PATL2: variants seen among roughly 807,000 people sequenced by gnomAD.
PATL2 encodes PAT1 homolog 2.
A neutral mutation model predicts 77.0 loss-of-function variants in PATL2; 73 were observed. The observed-to-expected ratio is 0.95, with a 90% confidence interval of 0.78 to 1.15. PATL2 has a LOEUF of 1.15. Ranked by LOEUF, PATL2 falls within the 50% of genes most tolerant of loss-of-function variation. The pLI is 0.00. For synonymous variants in PATL2, 265 were observed against 257.1 expected (o/e 1.03, Z -0.29); for missense variants, 618 against 655.4 (o/e 0.94, Z 0.62).
At chr15:44,684,220 G>A (rs1043137816) in intron 3 of PATL2, among the ~76,000 whole-genome samples, 1 of 151,980 alleles carries the variant, frequency 6.6e-6, no homozygotes, top group Non-Finnish European at 1.5e-5. Context: ...CTTCCAGCAA[G>A]GGAACAAAAG....
chr15:44,697,664 C>A (rs954497101), intron 3 of PATL2, among the ~76,000 whole-genome samples: 8 of 152,130 alleles, frequency 5.3e-5, no homozygotes, highest in African/African-American at 1.9e-4. Context: ...TTGCCCTGGT[C>A]TCCAAAGCCT....
intron 3 of PATL2, among the ~76,000 whole-genome samples, chr15:44,709,466 G>C (rs1368965258): frequency 6.6e-6 from 1 of 151,968 alleles, no homozygotes; most frequent in Non-Finnish European, 1.5e-5. Flanking sequence ...AGGATCACTT[G>C]AGACCAGGAG....
chr15:44,674,117 C>T (rs1322144788), intron 6 of PATL2, 33 bp downstream of exon 6: 1 of 1,512,364 alleles, frequency 6.6e-7, no homozygotes, highest in East Asian at 2.5e-5. Flanking sequence ...GGAATCCTCA[C>T]TACCCACAGT....
At chr15:44,688,366 C>T (rs1030124704) in intron 3 of PATL2, among the ~76,000 whole-genome samples, 14 of 151,698 alleles carry the variant, frequency 9.2e-5, no homozygotes, top group Non-Finnish European at 1.8e-4. Context: ...CATATGGAAC[C>T]AAAAAAGAGC....
At chr15:44,694,791 C>T (rs1183364101) in intron 3 of PATL2, among the ~76,000 whole-genome samples, 1 of 152,142 alleles carries the variant, frequency 6.6e-6, no homozygotes, top group African/African-American at 2.4e-5. Flanking sequence ...TGTTACGACC[C>T]ATTGGAATGG....
intron 3 of PATL2, among the ~76,000 whole-genome samples, chr15:44,695,397 T>A (rs2086483284): frequency 6.6e-6 from 1 of 152,180 alleles, no homozygotes. Context: ...CATCTTCCCT[T>A]TTCTTTGTCA....
chr15:44,706,646 G>A (rs1206072300), intron 3 of PATL2, among the ~76,000 whole-genome samples: 1 of 152,192 alleles, frequency 6.6e-6, no homozygotes, highest in African/African-American at 2.4e-5. Context: ...TGGAGTTGGG[G>A]GAGAAGTGAC....
intron 4 of PATL2, 179 bp downstream of exon 4, chr15:44,676,296 T>G: frequency 1.6e-6 from 1 of 629,366 alleles, no homozygotes; most frequent in Non-Finnish European, 2.9e-6. Flanking sequence ...ACTAGGTTGG[T>G]GAGAAAAATA....
chr15:44,698,036 G>C (rs1272452449), intron 3 of PATL2, among the ~76,000 whole-genome samples: 2 of 151,314 alleles, frequency 1.3e-5, no homozygotes, highest in Non-Finnish European at 2.9e-5. Context: ...ACCATGCCTG[G>C]CTTGGTCATT....
At chr15:44,666,366 T>C in intron 17 of PATL2, 26 bp downstream of exon 17, 2 of 1,551,302 alleles carry the variant, frequency 1.3e-6, no homozygotes, top group Non-Finnish European at 1.7e-6. Flanking sequence ...ACAAGGGGCT[T>C]TGACCTTGTT....
At chr15:44,679,437 A>G (rs2086078169) in intron 3 of PATL2, among the ~76,000 whole-genome samples, 2 of 152,016 alleles carry the variant, frequency 1.3e-5, no homozygotes, top group East Asian at 1.9e-4. Flanking sequence ...CATGTTGGCC[A>G]GTCTGGTCTT....
chr15:44,672,181 T>TTG, intron 8 of PATL2, 25 bp from the exon 9 acceptor site: 1 of 1,551,574 alleles, frequency 6.4e-7, no homozygotes, highest in South Asian at 1.2e-5. Context: ...GAACAACCCT[T>TTG]TAGACTTACC....
At chr15:44,705,716 T>G (rs1288807626) in intron 3 of PATL2, among the ~76,000 whole-genome samples, 1 of 152,122 alleles carries the variant, frequency 6.6e-6, no homozygotes, top group Admixed American at 6.5e-5. Flanking sequence ...TTGATTCTTT[T>G]TAGTTATTTT....
chr15:44,669,031 C>T lies in PATL2; in HGVS notation c.1173G>A (p.Leu391=). The T allele has an allele frequency of 3.9e-6, 6 of 1,551,102 alleles. No individual in the cohort carries two copies. Among genetic ancestry groups the T allele is most frequent in the Non-Finnish European group, 5.2e-6 (6 of 1,146,666 alleles). The change falls in exon 14 of 18, where the codon TTG becomes TTA. Residue 391 remains leucine, a synonymous_variant. Coordinates refer to ENST00000682850, the MANE Select transcript of PATL2 (RefSeq NM_001387263.1). The part of the protein sequence containing the change: ...LPQDQAVTIL[L]AITHHLPLLV... ...GGAGGGGCAGATGGTGGGTGATAGC[C>T]AAAAGAATGGTAACAGCCTGATCCT...
chr15:44,688,848 A>C (rs554246978), intron 3 of PATL2, among the ~76,000 whole-genome samples: 1 of 152,374 alleles, frequency 6.6e-6, no homozygotes, highest in Admixed American at 6.5e-5. Context: ...AACAAAAGCC[A>C]AAATTGACAA....
chr15:44,711,341 T>C (rs949136602), upstream of PATL2: 40 of 667,710 alleles, frequency 6.0e-5, no homozygotes, highest in African/African-American at 3.2e-4. Context: ...CCCAGTCTAG[T>C]GCATGCCTTC....
chr15:44,668,141 C>T (rs1405309138), intron 15 of PATL2, among the ~76,000 whole-genome samples: 1 of 152,116 alleles, frequency 6.6e-6, no homozygotes, highest in Non-Finnish European at 1.5e-5. Flanking sequence ...GCATGGGCCC[C>T]ACCCCAGACC....
intron 3 of PATL2, among the ~76,000 whole-genome samples, chr15:44,708,373 T>A (rs1255514710): frequency 6.6e-6 from 1 of 152,226 alleles, no homozygotes; most frequent in Non-Finnish European, 1.5e-5. Context: ...ATATTACACT[T>A]AAAGTATACA....
intron 3 of PATL2, chr15:44,697,518 A>G (rs1314879790): frequency 6.6e-6 from 1 of 152,224 alleles, no homozygotes; most frequent in Non-Finnish European, 1.5e-5. Context: ...AGTAAATGTC[A>G]GTTAAAAAAA....
Sources: allele counts gnomAD v4.1 joint callset (sites outside exome capture counted in the v4.1 genomes callset), GRCh38; gene constraint gnomAD v4.1.1; transcripts MANE v1.5; gene names NCBI Gene and HGNC (gene_info 2026-07-23, HGNC 2026-07-21).